Variants in DNAJB1 observed in about 807,000 individuals in gnomAD.
DNAJB1 encodes DnaJ heat shock protein family (Hsp40) member B1.
DNAJB1 carries 14 observed loss-of-function variants against 24.0 expected under a neutral mutation model. The observed-to-expected ratio is 0.58, with a 90% CI of 0.39 to 0.91. DNAJB1 has a LOEUF of 0.91. Among genes scored for constraint, DNAJB1 ranks in the 40% least tolerant of loss-of-function variants. DNAJB1 has a pLI of 0.00. For synonymous variants in DNAJB1, 262 were observed against 174.4 expected (o/e 1.50, Z -3.96); for missense variants, 517 against 458.1 (o/e 1.13, Z -1.17).
upstream of DNAJB1, among the ~76,000 whole-genome samples, chr19:14,550,440 C>T (rs529731874): frequency 6.6e-6 from 1 of 152,228 alleles, no homozygotes; most frequent in Admixed American, 6.5e-5. Flanking sequence ...CCTGCTCCTC[C>T]AGTCAGTTTG....
intron 1 of DNAJB1, among the ~76,000 whole-genome samples, chr19:14,542,890 G>T (rs1248806898): frequency 1.2e-4 from 19 of 152,060 alleles, no homozygotes; most frequent in Admixed American, 6.6e-5. Flanking sequence ...CTCTGTCCCT[G>T]CTCGAATCAG....
At chr19:14,557,433 G>A (rs1260421629) in intron 1 of DNAJB1, among the ~76,000 whole-genome samples, 1 of 150,890 alleles carries the variant, frequency 6.6e-6, no homozygotes, top group East Asian at 2.0e-4. Flanking sequence ...GAGCCATAGT[G>A]CCCCGCCTAA....
chr19:14,530,509 A>G (rs1051988244), upstream of DNAJB1: 19 of 152,230 alleles, frequency 1.2e-4, no homozygotes, highest in African/African-American at 4.6e-4. Flanking sequence ...CAAAATAACA[A>G]TTTAGCAAGT....
chr19:14,524,845 C>CAAAAAAAAAAGAA (rs2072401420), intron 2 of DNAJB1, among the ~76,000 whole-genome samples: 1 of 112,200 alleles, frequency 8.9e-6, no homozygotes, highest in African/African-American at 4.1e-5. Context: ...GACTCGTTCT[C>CAAAAAAAAAAGAA]AAAAAAAAAA....
At chr19:14,546,807 A>G (rs1276012977) in intron 1 of DNAJB1, among the ~76,000 whole-genome samples, 1 of 151,988 alleles carries the variant, frequency 6.6e-6, no homozygotes, top group African/African-American at 2.4e-5. Context: ...CTCCCACCTT[A>G]GCCTCCCAGG....
upstream of DNAJB1, among the ~76,000 whole-genome samples, chr19:14,554,043 G>C (rs557699683): frequency 6.6e-6 from 1 of 152,220 alleles, no homozygotes; most frequent in Non-Finnish European, 1.5e-5. Context: ...CAGGTGGGCT[G>C]TGCGGCACCA....
intron 2 of DNAJB1, among the ~76,000 whole-genome samples, chr19:14,525,283 C>T (rs773050135): frequency 2.6e-5 from 4 of 151,974 alleles, no homozygotes; most frequent in Non-Finnish European, 5.9e-5. Flanking sequence ...CCTGGCTCCT[C>T]TCAATTTCAT....
At chr19:14,552,436 T>C (rs369155499), upstream of DNAJB1, among the ~76,000 whole-genome samples, 3 of 152,044 alleles carry the variant, frequency 2.0e-5, no homozygotes, top group East Asian at 3.9e-4. Flanking sequence ...GACACTCACA[T>C]GGGCACTTCC....
chr19:14,547,963 C>CTTTT (rs1043298294), intron 1 of DNAJB1, among the ~76,000 whole-genome samples: 1 of 125,672 alleles, frequency 8.0e-6, no homozygotes, highest in Non-Finnish European at 1.7e-5. Context: ...ATGGGCATTT[C>CTTTT]TTTTTTTTTT....
intron 1 of DNAJB1, among the ~76,000 whole-genome samples, chr19:14,549,891 C>T (rs1488041494): frequency 6.6e-6 from 1 of 151,426 alleles, no homozygotes; most frequent in Non-Finnish European, 1.5e-5. Context: ...TGCAGTGAGC[C>T]GAGATTGTGC....
upstream of DNAJB1, among the ~76,000 whole-genome samples, chr19:14,550,662 C>T (rs1389310747): frequency 2.6e-5 from 4 of 152,066 alleles, no homozygotes; most frequent in South Asian, 4.2e-4. Context: ...CTGGCCCCAG[C>T]GGCCAGGAGT....
intron 2 of DNAJB1, among the ~76,000 whole-genome samples, chr19:14,524,779 G>A (rs1266916570): frequency 6.9e-6 from 1 of 145,628 alleles, no homozygotes; most frequent in East Asian, 1.9e-4. Flanking sequence ...CTAGGAGGTG[G>A]AGGTTGCAAT....
upstream of DNAJB1, chr19:14,532,511 T>TGA (rs1568392652): frequency 1.5e-5 from 1 of 65,724 alleles, no homozygotes; most frequent in African/African-American, 5.7e-5. Context: ...AGAGTCTGTC[T>TGA]CAAAAAAAAA....
chr19:14,532,831 C>T (rs144681782), upstream of DNAJB1, among the ~76,000 whole-genome samples: 70 of 152,238 alleles, frequency 4.6e-4, no homozygotes, highest in East Asian at 4.1e-3. Context: ...TATTTCTGGC[C>T]GGGCGAGGTG....
At chr19:14,529,126 T>C in intron 1 of DNAJB1, 1 of 180,666 alleles carries the variant, frequency 5.5e-6, no homozygotes, top group South Asian at 8.9e-5. Context: ...CATAGTGACC[T>C]CCTCGCCAAC....
chr19:14,548,356 C>G (rs932524914), intron 1 of DNAJB1, among the ~76,000 whole-genome samples: 3 of 152,140 alleles, frequency 2.0e-5, no homozygotes, highest in African/African-American at 7.2e-5. Flanking sequence ...CAGTTCCGGC[C>G]TGTTTGTTAC....
intron 2 of DNAJB1, 140 bp from the exon 3 acceptor site, chr19:14,516,310 G>A (rs1051657162): frequency 5.5e-6 from 7 of 1,269,370 alleles, no homozygotes; most frequent in East Asian, 5.0e-5. Context: ...TCCCCACCAC[G>A]AAAGCTCCAC....
intron 1 of DNAJB1, among the ~76,000 whole-genome samples, chr19:14,549,286 C>G (rs1390167103): frequency 6.9e-6 from 1 of 145,224 alleles, no homozygotes; most frequent in Non-Finnish European, 1.5e-5. Flanking sequence ...GATCTCAGCT[C>G]ACTGCAACCT....
chr19:14,528,490 G>A (rs1234468916), intron 1 of DNAJB1, among the ~76,000 whole-genome samples: 1 of 151,478 alleles, frequency 6.6e-6, no homozygotes, highest in Admixed American at 6.6e-5. Flanking sequence ...TGCCCCCCTC[G>A]GCCTCCCAAG....
Sources: gnomAD v4.1 joint callset for allele counts (sites outside exome capture counted in the v4.1 genomes callset) on GRCh38, gnomAD v4.1.1 for gene constraint, MANE v1.5 for transcripts, NCBI Gene and HGNC (gene_info 2026-07-23, HGNC 2026-07-21) for gene names.